PLCE1: variants seen among roughly 807,000 people sequenced by gnomAD.
The protein encoded by PLCE1 is phospholipase C epsilon 1.
A neutral mutation model predicts 242.8 loss-of-function variants in PLCE1; 119 were observed. The observed-to-expected ratio is 0.49, with a 90% CI of 0.42 to 0.57. The LOEUF is 0.57. Among genes scored for constraint, PLCE1 ranks in the 20% least tolerant of loss-of-function variants. The pLI is 0.00. For synonymous variants in PLCE1, 945 were observed against 1,017.4 expected (o/e 0.93, Z 1.35); for missense variants, 2,441 against 2,788.8 (o/e 0.88, Z 2.81).
chr10:94,221,551 A>G (rs2049746474), intron 4 of PLCE1, among the ~76,000 whole-genome samples: 1 of 152,234 alleles, frequency 6.6e-6, no homozygotes, highest in African/African-American at 2.4e-5. Context: ...AGCCTGACCA[A>G]CATGGAGAAA....
At chr10:94,057,437 G>T (rs1253554131) in intron 2 of PLCE1, among the ~76,000 whole-genome samples, 1 of 151,970 alleles carries the variant, frequency 6.6e-6, no homozygotes, top group Non-Finnish European at 1.5e-5. Context: ...TCCTAATTTT[G>T]GACATTTTAC....
rs1037188574 is a variant in PLCE1, at chr10:94,329,136, T to C, written c.*1193T>C. 2 of 152,224 alleles carry C rather than the reference T, an allele frequency of 1.3e-5. No homozygotes were observed. Among genetic ancestry groups the C allele is most frequent in the Non-Finnish European group, 2.9e-5 (2 of 68,040 alleles). The allele number at this position is 152,224 out of a possible 1,614,324, so 9.4% of individuals were successfully genotyped here. On this transcript the variant is annotated 3_prime_UTR_variant, in exon 33 of 33. Coordinates refer to ENST00000371380, the MANE Select transcript of PLCE1 (RefSeq NM_016341.4). ...TGAACATCTGAAATGGGCTAGACTT[T>C]CAAGTAAAATTGCTTCATTTCTCAT...
rs533803973 is a variant in PLCE1, at chr10:94,309,253, C to T, written c.6003+554C>T. 2.6e-5 allele frequency among the ~76,000 whole-genome samples: 4 copies of T among 152,292 alleles called. No individual in the cohort carries two copies. The South Asian group carries it at 8.3e-4, about 32-fold the overall frequency. On this transcript the variant is annotated intron_variant, in intron 27 of 32. Coordinates refer to ENST00000371380, the MANE Select transcript of PLCE1 (RefSeq NM_016341.4). ...CTTGCACCTCAGTGCTTGGCAGATG[C>T]AGAAGCTGCTCCCTTGAGAATGGAA...
chr10:94,307,032 G>A (rs962953734), intron 26 of PLCE1, among the ~76,000 whole-genome samples: 2 of 152,188 alleles, frequency 1.3e-5, no homozygotes, highest in African/African-American at 4.8e-5. Context: ...GGGGTCGGGT[G>A]TGGTGGTGGC....
intron 15 of PLCE1, 34 bp downstream of exon 15, chr10:94,265,742 A>G: frequency 6.2e-7 from 1 of 1,613,488 alleles, no homozygotes; most frequent in Non-Finnish European, 8.5e-7. Context: ...CCATCTTTTA[A>G]GAGTAGATGC....
intron 22 of PLCE1, among the ~76,000 whole-genome samples, chr10:94,290,901 A>C (rs1039408321): frequency 1.1e-4 from 16 of 152,202 alleles, no homozygotes; most frequent in African/African-American, 3.6e-4. Context: ...ATCTAATCAC[A>C]AGCACTTGAG....
chr10:94,322,120 G>C, intron 30 of PLCE1, 61 bp downstream of exon 30: 2 of 1,459,776 alleles, frequency 1.4e-6, no homozygotes, highest in Admixed American at 3.4e-5. Context: ...TGGAACAAAT[G>C]TCTGTGCACT....
At chr10:94,187,643 G>A (rs2136543652) in intron 4 of PLCE1, among the ~76,000 whole-genome samples, 1 of 152,222 alleles carries the variant, frequency 6.6e-6, no homozygotes, top group East Asian at 1.9e-4. Flanking sequence ...GCCAGGGAAG[G>A]AGCAGGGAAA....
At chr10:94,230,922 A>G (rs2050121446) in intron 5 of PLCE1, among the ~76,000 whole-genome samples, 1 of 152,146 alleles carries the variant, frequency 6.6e-6, no homozygotes, top group Non-Finnish European at 1.5e-5. Flanking sequence ...AAAAGTTTTT[A>G]TATCATTGGA....
chr10:94,239,974 T>A (rs772939266), intron 7 of PLCE1, among the ~76,000 whole-genome samples: 1 of 152,204 alleles, frequency 6.6e-6, no homozygotes, highest in Non-Finnish European at 1.5e-5. Flanking sequence ...CAGACCTTCA[T>A]ACAGTCTCAC....
chr10:94,043,489 C>T (rs2061812712), intron 2 of PLCE1, among the ~76,000 whole-genome samples: 1 of 152,132 alleles, frequency 6.6e-6, no homozygotes, highest in African/African-American at 2.4e-5. Context: ...AAAGATTTAG[C>T]ACCAAATTAT....
At position 94,227,350 on chromosome 10, in the gene PLCE1, G is replaced by A. The variant is rs2049981711; in HGVS notation, c.1854G>A (p.Met618Ile). The change falls in exon 5 of 33, where the codon ATG becomes ATA. Residue 618 changes from methionine (M) to isoleucine (I), a missense_variant. This residue lies in a region of PLCE1 where 733 missense variants were observed against 754.2 expected (regional missense o/e 0.97). Coordinates refer to ENST00000371380, the MANE Select transcript of PLCE1 (RefSeq NM_016341.4). The part of the protein sequence containing the change: ...VTWLILTAGS[M>I]EEKREVFSYL... ...GGCTGATCCTCACGGCAGGCTCCAT[G>A]GAGGAGAAGCGAGAAGTCTTTTCAT... 6.2e-7 allele frequency: 1 copy of A among 1,613,978 alleles called. No homozygotes were observed. The highest frequency in any genetic ancestry group is 1.1e-5 in the South Asian group (1 of 91,074).
chr10:94,079,234 A>T (rs994262477), intron 2 of PLCE1, among the ~76,000 whole-genome samples: 2 of 152,230 alleles, frequency 1.3e-5, no homozygotes, highest in Admixed American at 1.3e-4. Context: ...CAACATTAAG[A>T]GAAAGCATTG....
intron 4 of PLCE1, among the ~76,000 whole-genome samples, chr10:94,202,257 C>T (rs566709627): frequency 6.6e-6 from 1 of 152,286 alleles, no homozygotes; most frequent in East Asian, 1.9e-4. Flanking sequence ...TTCCCGTATT[C>T]CTTTTATCAA....
chr10:94,254,989 C>T lies in PLCE1; in HGVS notation c.3494C>T (p.Ser1165Leu). 1 of 1,614,164 alleles carries T rather than the reference C, an allele frequency of 6.2e-7. No homozygotes were observed. The highest frequency in any genetic ancestry group is 8.5e-7 in the Non-Finnish European group (1 of 1,180,010). The change falls in exon 11 of 33, where the codon TCA becomes TTA. Residue 1165 changes from serine (S) to leucine (L), a missense_variant. By Grantham distance (145) the Ser-to-Leu change is moderately radical (BLOSUM62 -2). This residue lies in a region of PLCE1 where 1,004 missense variants were observed against 1,322.7 expected (regional missense o/e 0.76). Transcript: ENST00000371380. Reference protein sequence around the residue: ...AGSPNLAAGTSSPIRPVSSPV... With the variant: ...AGSPNLAAGTLSPIRPVSSPV... ...TCCCCCAACTTGGCTGCCGGGACGT[C>T]ATCTCCCATCAGGCCAGTGTCCTCC...
intron 7 of PLCE1, among the ~76,000 whole-genome samples, chr10:94,242,862 A>G (rs574822160): frequency 6.6e-6 from 1 of 152,340 alleles, no homozygotes; most frequent in African/African-American, 2.4e-5. Flanking sequence ...AAAGTATTAA[A>G]TTAATATTCA....
chr10:94,154,551 T>C (rs2047369963), intron 3 of PLCE1, among the ~76,000 whole-genome samples: 1 of 151,966 alleles, frequency 6.6e-6, no homozygotes, highest in Non-Finnish European at 1.5e-5. Context: ...TATTTGCAAA[T>C]CACATATATA....
chr10:94,176,409 A>T (rs1056243370), intron 4 of PLCE1, among the ~76,000 whole-genome samples: 3 of 152,136 alleles, frequency 2.0e-5, no homozygotes, highest in Non-Finnish European at 2.9e-5. Context: ...CAAAAAACAG[A>T]CACATTGAGC....
At chr10:94,187,178 G>A (rs1321959396) in intron 4 of PLCE1, among the ~76,000 whole-genome samples, 1 of 151,246 alleles carries the variant, frequency 6.6e-6, no homozygotes, top group Admixed American at 6.6e-5. Context: ...GTGTGTGTGT[G>A]TGTGCGTGCA....
Sources: allele counts gnomAD v4.1 joint callset (sites outside exome capture counted in the v4.1 genomes callset), GRCh38; gene constraint gnomAD v4.1.1; regional missense constraint gnomAD v4.1.1; transcripts MANE v1.5; gene names NCBI Gene and HGNC (gene_info 2026-07-23, HGNC 2026-07-21).